The following SYT10 variants were observed in gnomAD, a reference collection of about 807,000 sequenced individuals.
SYT10 encodes the protein synaptotagmin 10, also known as synaptotagmin-10.
In SYT10, 31 loss-of-function variants were observed where a neutral mutation model predicts 51.1. That is an observed-to-expected ratio of 0.61 (90% CI 0.46 to 0.82). The LOEUF is 0.82. SYT10 is among the 40% of genes least tolerant of loss of function. SYT10 has a pLI of 0.00. For missense variants in SYT10, 603 were observed against 634.0 expected, an observed-to-expected ratio of 0.95 and a Z score of 0.53; for synonymous variants, 233 against 225.9, an observed-to-expected ratio of 1.03 and a Z score of -0.28.
intron 2 of SYT10, among the ~76,000 whole-genome samples, chr12:33,418,188 C>T (rs1335952803): frequency 2.0e-5 from 3 of 152,096 alleles, no homozygotes; most frequent in Non-Finnish European, 4.4e-5. Context: ...CTCATCCCAC[C>T]CGGGCTTAGC....
At chr12:33,406,108 C>A (rs1866350700) in intron 3 of SYT10, among the ~76,000 whole-genome samples, 2 of 151,840 alleles carry the variant, frequency 1.3e-5, no homozygotes, top group African/African-American at 2.4e-5. Context: ...TAATTGGTAG[C>A]ACTGTAGATT....
intron 2 of SYT10, 116 bp from the exon 3 acceptor site, chr12:33,407,472 T>A: frequency 9.9e-7 from 1 of 1,014,818 alleles, no homozygotes; most frequent in South Asian, 1.7e-5. Flanking sequence ...TATCTATATC[T>A]ACATAGATAG....
intron 3 of SYT10, among the ~76,000 whole-genome samples, chr12:33,387,482 A>T (rs571219570): frequency 6.6e-6 from 1 of 152,232 alleles, no homozygotes; most frequent in East Asian, 1.9e-4. Context: ...TTGCTAGCAC[A>T]TACAGCAGTG....
chr12:33,396,940 G>T (rs1866261588), intron 3 of SYT10, among the ~76,000 whole-genome samples: 1 of 152,134 alleles, frequency 6.6e-6, no homozygotes, highest in Admixed American at 6.6e-5. Context: ...GCTGGGCCCA[G>T]AATTCCACAT....
intron 1 of SYT10, among the ~76,000 whole-genome samples, chr12:33,428,111 T>A (rs1275066626): frequency 2.0e-5 from 3 of 152,088 alleles, no homozygotes; most frequent in Non-Finnish European, 4.4e-5. Context: ...AAGAAAAGAT[T>A]CCAGAGAACA....
intron 4 of SYT10, among the ~76,000 whole-genome samples, chr12:33,384,120 T>C (rs1866138704): frequency 6.6e-6 from 1 of 152,156 alleles, no homozygotes; most frequent in African/African-American, 2.4e-5. Flanking sequence ...ATACAATAAG[T>C]AGTGTCTCTC....
intron 1 of SYT10, among the ~76,000 whole-genome samples, chr12:33,435,387 A>G (rs1483132881): frequency 1.3e-5 from 2 of 152,222 alleles, no homozygotes; most frequent in Admixed American, 1.3e-4. Context: ...TTGCATTTGA[A>G]GTAAATCAGA....
At chr12:33,436,406 T>C (rs1592000643) in intron 1 of SYT10, among the ~76,000 whole-genome samples, 1 of 152,148 alleles carries the variant, frequency 6.6e-6, no homozygotes, top group East Asian at 1.9e-4. Flanking sequence ...GTGCACGTGG[T>C]GAACTTTCTA....
At chr12:33,402,487 C>A (rs1180902465) in intron 3 of SYT10, among the ~76,000 whole-genome samples, 2 of 152,072 alleles carry the variant, frequency 1.3e-5, no homozygotes, top group Non-Finnish European at 2.9e-5. Flanking sequence ...TTTGTGGAGG[C>A]TATCAGGAAA....
Position 33,376,158 on chromosome 12 carries a change from G to A in SYT10, c.*672C>T, listed in dbSNP as rs1313422269. On this transcript the variant is annotated 3_prime_UTR_variant, in exon 7 of 7. Coordinates refer to ENST00000228567, the MANE Select transcript of SYT10 (RefSeq NM_198992.4). ...TGGTAGCCACAATGGCTCAGCCTCC[G>A]TTTTTCAGCCAATAAGTATTACTTC... 3.9e-5 allele frequency: 6 copies of A among 152,200 alleles called. No individual in the cohort carries two copies. Among genetic ancestry groups the A allele is most frequent in the South Asian group, 2.1e-4 (1 of 4,828 alleles). 9.4% of individuals were successfully genotyped at this position (152,200 alleles called of 1,614,324 possible).
intron 3 of SYT10, among the ~76,000 whole-genome samples, chr12:33,397,719 G>C (rs1351390108): frequency 6.6e-6 from 1 of 152,014 alleles, no homozygotes; most frequent in African/African-American, 2.4e-5. Context: ...AAAGGGAAGA[G>C]AGCCCTCTTC....
intron 3 of SYT10, among the ~76,000 whole-genome samples, chr12:33,387,837 C>A (rs567318375): frequency 5.3e-5 from 8 of 151,116 alleles, no homozygotes; most frequent in Middle Eastern, 3.4e-3. Flanking sequence ...GCAGGCTCAA[C>A]CTCTCGGGCT....
intron 2 of SYT10, among the ~76,000 whole-genome samples, chr12:33,423,238 G>A (rs1431299641): frequency 6.6e-6 from 1 of 152,016 alleles, no homozygotes; most frequent in African/African-American, 2.4e-5. Context: ...TTATAAAGGA[G>A]TCCCAACAGA....
At chr12:33,389,263 C>T (rs183316233) in intron 3 of SYT10, among the ~76,000 whole-genome samples, 3 of 151,940 alleles carry the variant, frequency 2.0e-5, no homozygotes, top group South Asian at 2.1e-4. Context: ...GTGGAAAGGG[C>T]GTAGGTTCCT....
intron 1 of SYT10, among the ~76,000 whole-genome samples, chr12:33,428,494 A>G (rs1866570264): frequency 6.6e-6 from 1 of 152,246 alleles, no homozygotes; most frequent in South Asian, 2.1e-4. Flanking sequence ...AAATCATTAA[A>G]ATAAGTTCAA....
chr12:33,381,069 G>A (rs1386410643), intron 5 of SYT10, among the ~76,000 whole-genome samples: 5 of 152,094 alleles, frequency 3.3e-5, no homozygotes, highest in Admixed American at 1.3e-4. Context: ...CAAATGCTCA[G>A]TTGTATCTAC....
At chr12:33,403,162 C>A (rs1866320928) in intron 3 of SYT10, among the ~76,000 whole-genome samples, 1 of 150,776 alleles carries the variant, frequency 6.6e-6, no homozygotes, top group South Asian at 2.1e-4. Flanking sequence ...TATAAGAGTT[C>A]TTAAAATTAT....
chr12:33,432,397 CAT>C (rs935389902), intron 1 of SYT10: 2 of 151,978 alleles, frequency 1.3e-5, no homozygotes, highest in African/African-American at 2.4e-5. Flanking sequence ...GTATATTACT[CAT>C]ATATTTACAT....
chr12:33,437,770 G>A (rs766494185), intron 1 of SYT10, among the ~76,000 whole-genome samples: 1 of 151,978 alleles, frequency 6.6e-6, no homozygotes, highest in Non-Finnish European at 1.5e-5. Context: ...TCACCACAGA[G>A]GACTCTGAGG....
Sources: gnomAD v4.1 joint callset for allele counts (sites outside exome capture counted in the v4.1 genomes callset) on GRCh38, gnomAD v4.1.1 for gene constraint, MANE v1.5 for transcripts, NCBI Gene and HGNC (gene_info 2026-07-23, HGNC 2026-07-21) for gene names.